ST6GALNAC5: variants seen among roughly 807,000 people sequenced by gnomAD.
ST6GALNAC5 encodes ST6 N-acetylgalactosaminide alpha-2,6-sialyltransferase 5, also known as alpha-N-acetylgalactosaminide alpha-2,6-sialyltransferase 5.
In ST6GALNAC5, 27 loss-of-function variants were observed where a neutral mutation model predicts 33.6. The observed-to-expected ratio is 0.80, with a 90% CI of 0.59 to 1.11. The LOEUF is 1.11. ST6GALNAC5 is among the 50% of genes least tolerant of loss of function. The probability of loss-of-function intolerance (pLI) is 0.00; values close to 1 mark genes in which losing one functional copy is unlikely to be tolerated. For synonymous variants in ST6GALNAC5, 194 were observed against 171.2 expected, an observed-to-expected ratio of 1.13 and a Z score of -1.04; for missense variants, 428 against 454.0, an observed-to-expected ratio of 0.94 and a Z score of 0.52.
intron 2 of ST6GALNAC5, among the ~76,000 whole-genome samples, chr1:77,021,483 T>C: frequency 6.6e-6 from 1 of 152,146 alleles, no homozygotes; most frequent in East Asian, 1.9e-4. Context: ...ATACTTCAAG[T>C]CAGGATGCTT....
chr1:76,877,343 C>T (rs1041736472), intron 2 of ST6GALNAC5, among the ~76,000 whole-genome samples: 33 of 152,184 alleles, frequency 2.2e-4, no homozygotes, highest in African/African-American at 8.0e-4. Flanking sequence ...GCACAGCAGC[C>T]TGAGCCTGTT....
At chr1:76,884,603 C>A (rs1174373979) in intron 2 of ST6GALNAC5, among the ~76,000 whole-genome samples, 1 of 152,068 alleles carries the variant, frequency 6.6e-6, no homozygotes, top group Non-Finnish European at 1.5e-5. Flanking sequence ...GAACCAGAAC[C>A]AAGAATAAAT....
intron 2 of ST6GALNAC5, among the ~76,000 whole-genome samples, chr1:77,011,031 G>A (rs1212042537): frequency 6.6e-6 from 1 of 152,226 alleles, no homozygotes; most frequent in African/African-American, 2.4e-5. Flanking sequence ...CTTGAAGTCT[G>A]AGGTTCTGCT....
chr1:77,067,430 G>A lies in ST6GALNAC5; in HGVS notation c.*4224G>A, dbSNP rs959376218. Among the ~76,000 whole-genome samples the A allele has an allele frequency of 3.3e-5, 5 of 152,158 alleles. No homozygotes were observed. Among genetic ancestry groups the A allele is most frequent in the Non-Finnish European group, 5.9e-5 (4 of 68,024 alleles). On this transcript the variant is annotated 3_prime_UTR_variant, in exon 5 of 5. Coordinates refer to ENST00000477717, the MANE Select transcript of ST6GALNAC5 (RefSeq NM_030965.3). ...TGTGTCCTGTTAGTCTAATTAGATT[G>A]TAAGCTCCTTGAGGGCAGAGACTCT...
chr1:77,001,460 T>C (rs1650161990), intron 2 of ST6GALNAC5, among the ~76,000 whole-genome samples: 1 of 128,894 alleles, frequency 7.8e-6, no homozygotes, highest in South Asian at 3.0e-4. Context: ...TGACTTCCTC[T>C]TTTCCTAATT....
chr1:77,044,434 G>C lies in ST6GALNAC5; in HGVS notation c.492G>C (p.Gln164His), dbSNP rs189362082. 7.3e-5 allele frequency: 118 copies of C among 1,613,340 alleles called. 1 individual carries two copies. In the Middle Eastern group the frequency reaches 2.1e-3, roughly 29 times the overall value. ...RNRHDLLNVS[Q>H]GTVFIFWGPS... ...GCCATGACCTGCTCAACGTGAGCCA[G>C]GGCACCGTGTTCATCTTCTGGGGCC... The change falls in exon 3 of 5, where the codon CAG (glutamine) becomes CAC (histidine). Residue 164 changes from glutamine (Q) to histidine (H), a missense_variant. Gln to His is a conservative substitution (Grantham distance 24, BLOSUM62 0). Transcript: ENST00000477717.
intron 2 of ST6GALNAC5, among the ~76,000 whole-genome samples, chr1:76,983,276 G>T (rs1225764704): frequency 6.6e-6 from 1 of 152,116 alleles, no homozygotes; most frequent in Non-Finnish European, 1.5e-5. Flanking sequence ...CATCTCACAT[G>T]CAAAGACTCA....
chr1:76,875,905 G>A (rs1180373615), intron 2 of ST6GALNAC5, among the ~76,000 whole-genome samples: 1 of 152,144 alleles, frequency 6.6e-6, no homozygotes, highest in African/African-American at 2.4e-5. Flanking sequence ...TATAAATCCA[G>A]CTGCTTAAGG....
intron 2 of ST6GALNAC5, among the ~76,000 whole-genome samples, chr1:76,892,047 C>T (rs1003406508): frequency 1.3e-5 from 2 of 152,120 alleles, no homozygotes; most frequent in Admixed American, 6.6e-5. Context: ...ACTGTGCAGC[C>T]GAGAATTTAT....
chr1:77,022,781 C>CT lies in ST6GALNAC5; in HGVS notation c.262-21417dup, dbSNP rs560279232. 2.4e-3 allele frequency among the ~76,000 whole-genome samples: 364 copies of CT among 152,246 alleles called. 2 individuals carry two copies. Among genetic ancestry groups the CT allele is most frequent in the African/African-American group, 8.3e-3 (347 of 41,562 alleles). On this transcript the variant is annotated intron_variant, in intron 2 of 4. Transcript: ENST00000477717. Reference sequence around the variant, plus strand: ...TGTTCTCACCTCTGAAAATGGGATACTTTTTTGTATTGGCCCTTTTAGGAG... The same window carrying CT: ...TGTTCTCACCTCTGAAAATGGGATACTTTTTTTGTATTGGCCCTTTTAGGAG...
chr1:77,044,513 C>T lies in ST6GALNAC5; in HGVS notation c.571C>T (p.Leu191Phe). The T allele has an allele frequency of 5.0e-6, 8 of 1,612,496 alleles. No individual in the cohort carries two copies. Among genetic ancestry groups the T allele is most frequent in the Non-Finnish European group, 6.8e-6 (8 of 1,179,140 alleles). ...GKGQVYNNLHLLSQVLPRLKA... is the reference protein window; with the variant it reads ...GKGQVYNNLHFLSQVLPRLKA... ...GGGCCAGGTCTACAACAACCTGCAT[C>T]TCCTGAGCCAGGTGCTGCCCCGGCT... Residue 191 changes from leucine (L) to phenylalanine (F), a missense_variant, in exon 3 of 5, where the codon CTC (leucine) becomes TTC (phenylalanine). Physicochemically the swap from Leu to Phe is conservative, Grantham distance 22. Coordinates refer to ENST00000477717, the MANE Select transcript of ST6GALNAC5 (RefSeq NM_030965.3).
In ST6GALNAC5 at chr1:77,062,999, T is replaced by C; in HGVS notation, c.804T>C (p.Pro268=). ...GGGATCCCAATCACCCTTCAGTACC[T>C]TATCATTATTATGAACCTTTTGGAC... is the stretch of plus-strand genomic sequence containing the variant. ...FCRDPNHPSV[P]YHYYEPFGPD... is the part of the protein sequence containing the mutation. Residue 268 remains proline, a synonymous_variant, in exon 5 of 5, where the codon CCT becomes CCC. Transcript: ENST00000477717. 6.2e-7 allele frequency: 1 copy of C among 1,613,922 alleles called. No individual in the cohort carries two copies. The highest frequency in any genetic ancestry group is 2.2e-5 in the East Asian group (1 of 44,888).
intron 2 of ST6GALNAC5, among the ~76,000 whole-genome samples, chr1:77,033,309 T>C (rs1651528228): frequency 6.6e-6 from 1 of 152,252 alleles, no homozygotes; most frequent in African/African-American, 2.4e-5. Context: ...CTGTATGCCA[T>C]GCACTGTGCA....
intron 2 of ST6GALNAC5, among the ~76,000 whole-genome samples, chr1:77,014,131 G>C (rs1303780031): frequency 6.6e-6 from 1 of 152,192 alleles, no homozygotes; most frequent in Non-Finnish European, 1.5e-5. Context: ...GGAAGGGAGA[G>C]TGTTTTCTAT....
chr1:76,928,094 G>A (rs2100305408), intron 2 of ST6GALNAC5, among the ~76,000 whole-genome samples: 1 of 152,212 alleles, frequency 6.6e-6, no homozygotes, highest in East Asian at 1.9e-4. Context: ...TAGACTTCAT[G>A]TTACTTTGCT....
chr1:76,964,976 A>G (rs999594950), intron 2 of ST6GALNAC5, among the ~76,000 whole-genome samples: 2 of 152,140 alleles, frequency 1.3e-5, no homozygotes, highest in African/African-American at 4.8e-5. Context: ...CATGGTGTAT[A>G]TGTGCCACAT....
chr1:76,962,687 C>T (rs553170640), intron 2 of ST6GALNAC5, among the ~76,000 whole-genome samples: 42 of 152,138 alleles, frequency 2.8e-4, no homozygotes, highest in Non-Finnish European at 3.4e-4. Context: ...TGTGCACACA[C>T]ATTTATATTT....
chr1:76,879,765 G>C (rs1485913538), intron 2 of ST6GALNAC5, among the ~76,000 whole-genome samples: 1 of 152,150 alleles, frequency 6.6e-6, no homozygotes, highest in Admixed American at 6.5e-5. Flanking sequence ...TGGGGAAGCT[G>C]TTCCTTCTGG....
chr1:76,917,946 G>T (rs544565261), intron 2 of ST6GALNAC5, among the ~76,000 whole-genome samples: 9 of 152,162 alleles, frequency 5.9e-5, no homozygotes, highest in Admixed American at 3.9e-4. Context: ...ATTGGATGGG[G>T]CCCACTCACA....
Sources: allele counts gnomAD v4.1 joint callset (sites outside exome capture counted in the v4.1 genomes callset), GRCh38; gene constraint gnomAD v4.1.1; transcripts MANE v1.5; gene names NCBI Gene and HGNC (gene_info 2026-07-23, HGNC 2026-07-21).